CHD6: variants seen among roughly 807,000 people sequenced by gnomAD.
CHD6 encodes the protein ATP-dependent chromatin remodeler CHD6.
CHD6 carries 50 observed loss-of-function variants against 276.9 expected under a neutral mutation model. The observed-to-expected ratio is 0.18, with a 90% CI of 0.14 to 0.23. CHD6 has a LOEUF of 0.23. Among genes scored for constraint, CHD6 ranks in the 10% least tolerant of loss-of-function variants. The probability of loss-of-function intolerance (pLI) is 1.00; values close to 1 mark genes in which losing one functional copy is unlikely to be tolerated. For synonymous variants in CHD6, 1,173 were observed against 1,229.3 expected (o/e 0.95, Z 0.96); for missense variants, 2,564 against 3,365.8 (o/e 0.76, Z 5.89).
At chr20:41,447,802 A>G (rs1319539020) in intron 24 of CHD6, 80 bp downstream of exon 24, 44 of 996,942 alleles carry the variant, frequency 4.4e-5, no homozygotes, top group Non-Finnish European at 6.1e-5. Context: ...CTTTAAGCAC[A>G]GGCAAGTTTG....
intron 5 of CHD6, among the ~76,000 whole-genome samples, chr20:41,506,909 G>C (rs1159642525): frequency 6.6e-6 from 1 of 152,186 alleles, no homozygotes; most frequent in Non-Finnish European, 1.5e-5. Context: ...TTTTGCAATA[G>C]AATATGATAA....
chr20:41,402,270 A>G lies in CHD6; in HGVS notation c.*2323T>C, dbSNP rs1452787252. 1 of 223,664 alleles carries G rather than the reference A, an allele frequency of 4.5e-6. No homozygotes were observed. Among genetic ancestry groups the G allele is most frequent in the East Asian group, 6.5e-5 (1 of 15,374 alleles). The allele number at this position is 223,664 out of a possible 1,614,324, so 13.9% of individuals were successfully genotyped here. ...TGCTCTTGGAAACGTCAAAATAATC[A>G]TAAGAAGCACTTGTGCCTTACAGAG... On this transcript the variant is annotated 3_prime_UTR_variant, in exon 37 of 37. Transcript: ENST00000373233.
chr20:41,433,850 A>G (rs2047620455), intron 27 of CHD6, among the ~76,000 whole-genome samples: 1 of 152,196 alleles, frequency 6.6e-6, no homozygotes, highest in African/African-American at 2.4e-5. Flanking sequence ...TAAGGTTTCC[A>G]CACTTCACTT....
In CHD6 at chr20:41,503,700, T is replaced by C. The variant is rs370537541; in HGVS notation, c.853-4343A>G. On this transcript the variant is annotated intron_variant, in intron 5 of 36. Transcript: ENST00000373233. Reference sequence around the variant, plus strand: ...TCTACTGGTTGATATCTTCCATCAGTTTAGGAATTTTTGGTCATTAGTTAT... The same window carrying C: ...TCTACTGGTTGATATCTTCCATCAGCTTAGGAATTTTTGGTCATTAGTTAT... 9.2e-5 allele frequency among the ~76,000 whole-genome samples: 14 copies of C among 152,168 alleles called. No homozygotes were observed. In the East Asian group the frequency reaches 2.5e-3, roughly 27 times the overall value.
At chr20:41,494,420 T>A (rs1196684472) in intron 8 of CHD6, among the ~76,000 whole-genome samples, 1 of 152,226 alleles carries the variant, frequency 6.6e-6, no homozygotes, top group Non-Finnish European at 1.5e-5. Flanking sequence ...TTCATTGAGA[T>A]GTATACTTTT....
At chr20:41,596,569 T>C (rs2045719913) in intron 1 of CHD6, among the ~76,000 whole-genome samples, 1 of 149,702 alleles carries the variant, frequency 6.7e-6, no homozygotes, top group East Asian at 2.0e-4. Flanking sequence ...AGACCCGCAA[T>C]GGGATAATAA....
chr20:41,446,700 T>A (rs1321455984), intron 24 of CHD6, among the ~76,000 whole-genome samples: 1 of 152,136 alleles, frequency 6.6e-6, no homozygotes, highest in Non-Finnish European at 1.5e-5. Flanking sequence ...GATCCATGGC[T>A]CTGCCTGCCC....
chr20:41,404,315 G>C lies in CHD6; in HGVS notation c.*278C>G, dbSNP rs1005108733. The C allele has an allele frequency of 8.8e-6, 10 of 1,140,976 alleles. No individual in the cohort carries two copies. The highest frequency in any genetic ancestry group is 1.1e-5 in the Non-Finnish European group (10 of 929,598). 70.7% of individuals were successfully genotyped at this position (1,140,976 alleles called of 1,614,324 possible). On this transcript the variant is annotated 3_prime_UTR_variant, in exon 37 of 37. Transcript: ENST00000373233. ...AACTTGGAAGAGAAGGGGGTAGGGC[G>C]TGTCACCAAGTACTGTATTAACTAT...
intron 17 of CHD6, among the ~76,000 whole-genome samples, chr20:41,472,172 C>A (rs778144708): frequency 1.3e-4 from 20 of 151,040 alleles, no homozygotes; most frequent in Non-Finnish European, 1.3e-4. Flanking sequence ...ACCTGGCAGG[C>A]AGAGGTTGCA....
chr20:41,501,581 C>T (rs1470977437), intron 5 of CHD6, among the ~76,000 whole-genome samples: 1 of 152,042 alleles, frequency 6.6e-6, no homozygotes, highest in African/African-American at 2.4e-5. Context: ...TGGTTTGCTT[C>T]CAATTTTTGT....
intron 2 of CHD6, among the ~76,000 whole-genome samples, chr20:41,549,312 C>T (rs2045106110): frequency 6.6e-6 from 1 of 150,744 alleles, no homozygotes; most frequent in African/African-American, 2.4e-5. Flanking sequence ...ACTATGCAGC[C>T]ATAAAAAATG....
chr20:41,488,368 T>C (rs1403261096), intron 13 of CHD6, 60 bp downstream of exon 13: 8 of 1,422,420 alleles, frequency 5.6e-6, no homozygotes, highest in East Asian at 4.6e-5. Context: ...GGCTAAAGAG[T>C]GTTTCCTCCA....
At chr20:41,528,404 A>G (rs939662171) in intron 3 of CHD6, among the ~76,000 whole-genome samples, 4 of 152,214 alleles carry the variant, frequency 2.6e-5, no homozygotes, top group Non-Finnish European at 4.4e-5. Flanking sequence ...AAGTGGCTCC[A>G]ATCCTCTCTG....
intron 25 of CHD6, 111 bp from the exon 26 acceptor site, chr20:41,440,240 A>G: frequency 1.0e-6 from 1 of 973,778 alleles, no homozygotes; most frequent in East Asian, 2.5e-5. Flanking sequence ...ACAAACACAA[A>G]AAAATAATTA....
intron 15 of CHD6, 110 bp downstream of exon 15, chr20:41,484,242 C>T (rs1478764456): frequency 8.4e-6 from 11 of 1,307,270 alleles, no homozygotes; most frequent in East Asian, 7.0e-5. Context: ...GGTGAGAATG[C>T]GTACATCCTA....
intron 1 of CHD6, among the ~76,000 whole-genome samples, chr20:41,558,538 C>G (rs1166888355): frequency 6.6e-6 from 1 of 152,200 alleles, no homozygotes; most frequent in East Asian, 1.9e-4. Context: ...CCTTCTTACA[C>G]TCACCATCTA....
chr20:41,565,417 A>G (rs2045344961), intron 1 of CHD6, among the ~76,000 whole-genome samples: 1 of 152,156 alleles, frequency 6.6e-6, no homozygotes, highest in Non-Finnish European at 1.5e-5. Context: ...GTGGCCTAAG[A>G]TGCTAGAATG....
chr20:41,543,588 TGGACATATATTAAATAAATGTAGTA>T (rs1327645906), intron 2 of CHD6, among the ~76,000 whole-genome samples: 2 of 152,208 alleles, frequency 1.3e-5, no homozygotes, highest in Non-Finnish European at 2.9e-5. Flanking sequence ...ATTTATTAAG[TGGACATATATTAAATAAATGTAGTA>T]GGACATATAT....
intron 3 of CHD6, among the ~76,000 whole-genome samples, chr20:41,519,972 T>C (rs1177922771): frequency 1.3e-5 from 2 of 151,908 alleles, no homozygotes; most frequent in East Asian, 3.9e-4. Context: ...CAAAACAAAT[T>C]TGTAAGAAAA....
Sources: allele counts gnomAD v4.1 joint callset (sites outside exome capture counted in the v4.1 genomes callset), GRCh38; gene constraint gnomAD v4.1.1; transcripts MANE v1.5; gene names NCBI Gene and HGNC (gene_info 2026-07-23, HGNC 2026-07-21).